Variants in AKAP3 observed in about 807,000 individuals in gnomAD.
AKAP3 encodes the protein A-kinase anchor protein 3.
AKAP3 carries 27 observed loss-of-function variants against 57.2 expected under a neutral mutation model. The ratio of observed to expected loss-of-function variants is 0.47; its 90% CI spans 0.35 to 0.65. The LOEUF is 0.65. Among genes scored for constraint, AKAP3 ranks in the 30% least tolerant of loss-of-function variants. AKAP3 has a pLI of 0.01. For missense variants in AKAP3, 959 were observed against 1,040.0 expected, an observed-to-expected ratio of 0.92 and a Z score of 1.07; for synonymous variants, 334 against 392.3, an observed-to-expected ratio of 0.85 and a Z score of 1.76.
At chr12:4,631,331 T>A (rs1162394659) in intron 4 of AKAP3, 1 of 701,920 alleles carries the variant, frequency 1.4e-6, no homozygotes, top group East Asian at 2.7e-5. Flanking sequence ...GCTCACCAAC[T>A]AAGACGTTTG....
rs754852568 is a variant in AKAP3 at position 4,626,765 on chromosome 12, T to C, written c.2137A>G (p.Ser713Gly). 2.5e-6 allele frequency: 4 copies of C among 1,612,620 alleles called. No individual in the cohort carries two copies. The highest frequency in any genetic ancestry group is 1.4e-5 in the African/African-American group (1 of 73,884). Reference protein sequence around the residue: ...ASRLTSAFPDSLYECLPAKGT... With the variant: ...ASRLTSAFPDGLYECLPAKGT... ...TTGGCTGGTAAGCACTCATATAAAC[T>C]ATCTGGGAAGGCCGAAGTTAGCCTA... The change falls in exon 5 of 6, where the codon AGT becomes GGT. Residue 713 changes from serine (S) to glycine (G), a missense_variant. Ser to Gly is a moderately conservative substitution (Grantham distance 56). Transcript: ENST00000228850.
Position 4,625,755 on chromosome 12 carries a change from G to A in AKAP3, c.2406+741C>T, listed in dbSNP as rs957196717. ...AAGGCAGAGAGGAGAGAGAAGAGAA[G>A]GTTGTAGGGATGGTCTTTTTAATTC... On this transcript the variant is annotated intron_variant, in intron 5 of 5. Coordinates refer to ENST00000228850, the MANE Select transcript of AKAP3 (RefSeq NM_001278309.2). The surrounding 1 kb of genome is among the most constrained non-coding windows in gnomAD (Gnocchi z 5.4). Among the ~76,000 whole-genome samples, 2 of 151,758 alleles carry A rather than the reference G, an allele frequency of 1.3e-5. No individual in the cohort carries two copies. Among genetic ancestry groups the A allele is most frequent in the Admixed American group, 1.3e-4 (2 of 15,216 alleles).
chr12:4,624,824 G>GTGTGTGTGTGTGTGTGTATA (rs143324716), intron 5 of AKAP3, among the ~76,000 whole-genome samples: 1 of 141,100 alleles, frequency 7.1e-6, no homozygotes, highest in East Asian at 2.1e-4. Context: ...GTGTGTGTGT[G>GTGTGTGTGTGTGTGTGTATA]TATATAAAAG....
Position 4,626,902 on chromosome 12 carries a change from C to T in AKAP3, c.2000G>A (p.Gly667Glu), listed in dbSNP as rs764054667. 6.2e-7 allele frequency: 1 copy of T among 1,614,032 alleles called. No homozygotes were observed. The highest frequency in any genetic ancestry group is 8.5e-7 in the Non-Finnish European group (1 of 1,180,024). The change falls in exon 5 of 6, where the codon GGG (glycine) becomes GAG (glutamate). Residue 667 changes from glycine to glutamate, a missense_variant. Transcript: ENST00000228850. The stretch of plus-strand genomic sequence containing the variant: ...GTTCATCAGATGTTCTACCATCTGC[C>T]CACTCATGTGGCCATCTATCTGGCT... ...AVSQIDGHMSGQMVEHLMNSV... is the reference protein window; with the variant it reads ...AVSQIDGHMSEQMVEHLMNSV...
chr12:4,632,509 CAG>C (rs1194455891), intron 4 of AKAP3, among the ~76,000 whole-genome samples: 6 of 152,206 alleles, frequency 3.9e-5, no homozygotes, highest in Non-Finnish European at 8.8e-5. Flanking sequence ...ACAAGAGTTT[CAG>C]AGAAGTCTAA....
At chr12:4,635,126 G>A (rs1945547847) in intron 4 of AKAP3, among the ~76,000 whole-genome samples, 1 of 152,086 alleles carries the variant, frequency 6.6e-6, no homozygotes, top group African/African-American at 2.4e-5. Flanking sequence ...TATACACACA[G>A]TTCTCATTTT....
chr12:4,643,635 T>C (rs1363460496), intron 2 of AKAP3, among the ~76,000 whole-genome samples: 1 of 152,296 alleles, frequency 6.6e-6, no homozygotes, highest in Non-Finnish European at 1.5e-5. Context: ...GCTGTGAAAT[T>C]TTCCCATGGC....
At chr12:4,616,091 C>G (rs1362418709) in intron 5 of AKAP3, among the ~76,000 whole-genome samples, 197 bp from the exon 6 acceptor site, 1 of 152,254 alleles carries the variant, frequency 6.6e-6, no homozygotes, top group East Asian at 1.9e-4. Context: ...TAACACCCAC[C>G]TGCCCATGAT....
At chr12:4,623,773 C>T (rs1945372815) in intron 5 of AKAP3, among the ~76,000 whole-genome samples, 1 of 151,978 alleles carries the variant, frequency 6.6e-6, no homozygotes, top group African/African-American at 2.4e-5. Flanking sequence ...GAAAAATGGG[C>T]AGAAGTTATG....
In AKAP3 at chr12:4,628,371, C is replaced by T; in HGVS notation, c.531G>A (p.Glu177=). The T allele has an allele frequency of 6.2e-7, 1 of 1,614,210 alleles. No individual in the cohort carries two copies. Among genetic ancestry groups the T allele is most frequent in the Non-Finnish European group, 8.5e-7 (1 of 1,180,020 alleles). The change falls in exon 5 of 6, where the codon GAG becomes GAA. Residue 177 remains glutamate, a synonymous_variant. Transcript: ENST00000228850. ...PTKSLSKIAS[E]LVNETVSACS... The stretch of plus-strand genomic sequence containing the variant: ...ATGCAGAGACGGTCTCATTCACAAG[C>T]TCTGATGCTATCTTACTGAGGCTTT...
chr12:4,636,094 A>G, intron 4 of AKAP3: 2 of 1,153,292 alleles, frequency 1.7e-6, no homozygotes, highest in East Asian at 2.5e-5. Context: ...AAATACTGGC[A>G]TATTGAACTG....
chr12:4,644,853 G>A (rs1182281482), intron 2 of AKAP3, among the ~76,000 whole-genome samples: 1 of 152,170 alleles, frequency 6.6e-6, no homozygotes, highest in African/African-American at 2.4e-5. Flanking sequence ...GGTGGAGGTT[G>A]CAGTGAGCCG....
intron 1 of AKAP3, among the ~76,000 whole-genome samples, chr12:4,646,907 CG>C (rs1945706661): frequency 6.6e-6 from 1 of 151,958 alleles, no homozygotes; most frequent in African/African-American, 2.4e-5. Context: ...CTCAGTCTCC[CG>C]AGTAACTGGG....
At position 4,625,451 on chromosome 12, in the gene AKAP3, G is replaced by A. The variant is rs893535195; in HGVS notation, c.2406+1045C>T. ...CCTAATCTGGATGCTCTGTAATCGT[G>A]TGTTTTCCCAGTCATCAGATAAATA... is the stretch of plus-strand genomic sequence containing the variant. On this transcript the variant is annotated intron_variant, in intron 5 of 5. Coordinates refer to ENST00000228850, the MANE Select transcript of AKAP3 (RefSeq NM_001278309.2). The surrounding 1 kb of genome is among the most constrained non-coding windows in gnomAD (Gnocchi z 5.4). 3.3e-5 allele frequency among the ~76,000 whole-genome samples: 5 copies of A among 152,174 alleles called. No homozygotes were observed. The highest frequency in any genetic ancestry group is 7.2e-5 in the African/African-American group (3 of 41,446).
chr12:4,638,092 G>T lies in AKAP3; in HGVS notation c.96+9C>A. On this transcript the variant is annotated intron_variant, in intron 4 of 5. Coordinates refer to ENST00000228850, the MANE Select transcript of AKAP3 (RefSeq NM_001278309.2). ...TTAACCTAGTGTTTATCAAGAGGTT[G>T]ACCCTTACCATTTTCCAGTCCTGGG... 6.3e-7 allele frequency: 1 copy of T among 1,597,246 alleles called. No homozygotes were observed. Among genetic ancestry groups the T allele is most frequent in the East Asian group, 2.2e-5 (1 of 44,776 alleles).
In AKAP3 at chr12:4,625,692, T is replaced by TGAAAGAGAGAGA. The variant is rs1555126829; in HGVS notation, c.2406+803_2406+804insTCTCTCTCTTTC. On this transcript the variant is annotated intron_variant, in intron 5 of 5. Transcript: ENST00000228850. The surrounding 1 kb of genome is among the most constrained non-coding windows in gnomAD (Gnocchi z 5.4). Reference sequence around the variant, plus strand: ...ATCAAAAGCACTGAGGAAGAGAAAATGAGAGAGAGAGAGAGAGAGAGAGAG... The same window carrying TGAAAGAGAGAGA: ...ATCAAAAGCACTGAGGAAGAGAAAATGAAAGAGAGAGAGAGAGAGAGAGAGAGAGAGAGAGAG... 1.0e-4 allele frequency among the ~76,000 whole-genome samples: 15 copies of TGAAAGAGAGAGA among 146,496 alleles called. No individual in the cohort carries two copies. Among genetic ancestry groups the TGAAAGAGAGAGA allele is most frequent in the African/African-American group, 3.8e-4 (15 of 39,918 alleles).
intron 4 of AKAP3, among the ~76,000 whole-genome samples, chr12:4,636,672 T>C (rs1034994083): frequency 6.6e-6 from 1 of 152,220 alleles, no homozygotes; most frequent in Non-Finnish European, 1.5e-5. Flanking sequence ...AAACTTTATA[T>C]AGATCGACCA....
chr12:4,639,327 C>T (rs2137446615), intron 3 of AKAP3, among the ~76,000 whole-genome samples: 1 of 152,312 alleles, frequency 6.6e-6, no homozygotes, highest in Middle Eastern at 3.4e-3. Context: ...ATTCTTTGCT[C>T]AGCTCACCCC....
At chr12:4,622,455 T>C (rs1039698666) in intron 5 of AKAP3, among the ~76,000 whole-genome samples, 4 of 151,938 alleles carry the variant, frequency 2.6e-5, no homozygotes, top group African/African-American at 7.3e-5. Context: ...TGGAACAGAA[T>C]AGAGAGCCCA....
Sources: allele counts gnomAD v4.1 joint callset (sites outside exome capture counted in the v4.1 genomes callset), GRCh38; gene constraint gnomAD v4.1.1; non-coding constraint Gnocchi (gnomAD v3.1); transcripts MANE v1.5; gene names NCBI Gene and HGNC (gene_info 2026-07-23, HGNC 2026-07-21).